Variants in MUC5AC observed in about 807,000 individuals in gnomAD.
The protein encoded by MUC5AC is mucin 5AC, oligomeric mucus/gel-forming, also known as mucin-5AC.
In MUC5AC, 158 loss-of-function variants were observed where a neutral mutation model predicts 169.7. The ratio of observed to expected loss-of-function variants is 0.93; its 90% CI spans 0.82 to 1.06. The LOEUF (loss-of-function observed/expected upper bound fraction) is 1.06, where lower values mean the gene tolerates loss of function less well. Among genes scored for constraint, MUC5AC ranks in the 50% least tolerant of loss-of-function variants. MUC5AC has a pLI of 0.00. For synonymous variants in MUC5AC, 1,975 were observed against 1,237.0 expected, an observed-to-expected ratio of 1.60 and a Z score of -12.52; for missense variants, 4,359 against 3,089.9, an observed-to-expected ratio of 1.41 and a Z score of -9.74.
chr11:1,191,131 C>A lies in MUC5AC; in HGVS notation c.12986C>A (p.Thr4329Lys), dbSNP rs1861085060. 6 of 699,624 alleles carry A rather than the reference C, an allele frequency of 8.6e-6. No individual in the cohort carries two copies. The Admixed American group carries it at 1.1e-4, about 12-fold the overall frequency. The allele number at this position is 699,624 out of a possible 1,614,324, so 43.3% of individuals were successfully genotyped here. Reference sequence around the variant, plus strand: ...CCCAGCCCTGTTCCCACCACCAGCACAACCTCTGCTCCTATAACCAGCACA... The same window carrying A: ...CCCAGCCCTGTTCCCACCACCAGCAAAACCTCTGCTCCTATAACCAGCACA... ...TTPSPVPTTS[T>K]TSAPITSTTS... The change falls in exon 31 of 49, where the codon ACA becomes AAA. Residue 4329 changes from threonine to lysine, a missense_variant. By Grantham distance (78) the Thr-to-Lys change is moderately conservative. Coordinates refer to ENST00000621226, the MANE Select transcript of MUC5AC (RefSeq NM_001304359.2).
chr11:1,190,598 C>A lies in MUC5AC; in HGVS notation c.12453C>A (p.Thr4151=). The change falls in exon 31 of 49, where the codon ACC becomes ACA. Residue 4151 remains threonine, a synonymous_variant. Coordinates refer to ENST00000621226, the MANE Select transcript of MUC5AC (RefSeq NM_001304359.2). ...PTHRTTSGPT[T]STTLAPTTST... is the part of the protein sequence containing the mutation. ...ACAGAACGACTTCTGGTCCTACAAC[C>A]AGCACAACCTTGGCTCCTACAACCA... is the stretch of plus-strand genomic sequence containing the variant. 2 of 694,182 alleles carry A rather than the reference C, an allele frequency of 2.9e-6. No individual in the cohort carries two copies. Among genetic ancestry groups the A allele is most frequent in the South Asian group, 1.5e-5 (1 of 65,686 alleles). 43.0% of individuals were successfully genotyped at this position (694,182 alleles called of 1,614,324 possible).
rs1380223675 is a variant in MUC5AC at position 1,199,465 on chromosome 11, C to T, written c.16490C>T (p.Ala5497Val). ...CTCGTGGTGGTCACCACGAAGAAGG[C>T]GTGCCCCCCGCTCAGCTGTTCTCTG... Reference protein sequence around the residue: ...DGLVVVTTKKACPPLSCSLDE... With the variant: ...DGLVVVTTKKVCPPLSCSLDE... The change falls in exon 46 of 49, where the codon GCG becomes GTG. Residue 5497 changes from alanine to valine, a missense_variant. Physicochemically the swap from Ala to Val is moderately conservative, Grantham distance 64. Coordinates refer to ENST00000621226, the MANE Select transcript of MUC5AC (RefSeq NM_001304359.2). 9.7e-6 allele frequency: 7 copies of T among 721,234 alleles called. No homozygotes were observed. Among genetic ancestry groups the T allele is most frequent in the Non-Finnish European group, 1.5e-5 (6 of 395,378 alleles). The allele number at this position is 721,234 out of a possible 1,614,324, so 44.7% of individuals were successfully genotyped here.
At chr11:1,170,441 CCACT>C (rs1220803029) in intron 15 of MUC5AC, among the ~76,000 whole-genome samples, 3 of 114,266 alleles carry the variant, frequency 2.6e-5, no homozygotes, top group African/African-American at 6.6e-5. Context: ...ACCCATTCAC[CCACT>C]CACTCACCCA....
chr11:1,163,283 T>C (rs1226517200), intron 6 of MUC5AC, among the ~76,000 whole-genome samples: 2 of 152,204 alleles, frequency 1.3e-5, no homozygotes, highest in African/African-American at 2.4e-5. Flanking sequence ...GTGGCTGCTC[T>C]GGGTGGCGAC....
chr11:1,192,511 G>A lies in MUC5AC; in HGVS notation c.14366G>A (p.Arg4789Gln), dbSNP rs751026937. The A allele has an allele frequency of 1.0e-4, 78 of 764,744 alleles. No homozygotes were observed. Among genetic ancestry groups the A allele is most frequent in the Non-Finnish European group, 1.6e-4 (68 of 417,712 alleles). 47.4% of individuals were successfully genotyped at this position (764,744 alleles called of 1,614,324 possible). The change falls in exon 31 of 49, where the codon CGG becomes CAG. Residue 4789 changes from arginine (R) to glutamine (Q), a missense_variant. Coordinates refer to ENST00000621226, the MANE Select transcript of MUC5AC (RefSeq NM_001304359.2). ...ACCTGCTTCTGCAACGTGGCTGACC[G>A]GCTCTACCCTGCAGGTTCGTGAGTG... The part of the protein sequence containing the change: ...TQTCFCNVAD[R>Q]LYPAGSTIYR...
intron 15 of MUC5AC, among the ~76,000 whole-genome samples, chr11:1,171,546 T>TACTCAACCACCCACTCACCC (rs1860537532): frequency 5.0e-5 from 1 of 19,882 alleles, no homozygotes; most frequent in Non-Finnish European, 1.0e-4. Context: ...CTCACTCACC[T>TACTCAACCACCCACTCACCC]ACTCAACCAC....
rs1409026378 is a variant in MUC5AC at position 1,178,670 on chromosome 11, C to A, written c.3314C>A (p.Ala1105Asp). Reference protein sequence around the residue: ...CSILHGPTFAACHAHVEPARY... With the variant: ...CSILHGPTFADCHAHVEPARY... The stretch of plus-strand genomic sequence containing the variant: ...ATCCTCCACGGCCCCACCTTCGCCG[C>A]CTGCCACGCACACGTATGCTGGCCG... Residue 1105 changes from alanine (A) to aspartate (D), a missense_variant, in exon 25 of 49, where the codon GCC becomes GAC. Ala to Asp is a moderately radical substitution (Grantham distance 126). Transcript: ENST00000621226. The A allele has an allele frequency of 2.3e-6, 3 of 1,316,880 alleles. No individual in the cohort carries two copies. The South Asian group carries it at 7.7e-5, about 34-fold the overall frequency. 81.6% of individuals were successfully genotyped at this position (1,316,880 alleles called of 1,614,324 possible).
chr11:1,171,381 ACT>A (rs1860525724), intron 15 of MUC5AC, among the ~76,000 whole-genome samples: 1 of 127,332 alleles, frequency 7.9e-6, no homozygotes, highest in Non-Finnish European at 1.6e-5. Flanking sequence ...TCACCCATTC[ACT>A]CACCCATTCA....
Position 1,187,630 on chromosome 11 carries a change from C to A in MUC5AC, c.9485C>A (p.Thr3162Asn). The A allele has an allele frequency of 1.3e-6, 1 of 764,482 alleles. No homozygotes were observed. Among genetic ancestry groups the A allele is most frequent in the Non-Finnish European group, 2.4e-6 (1 of 417,490 alleles). The allele number at this position is 764,482 out of a possible 1,614,324, so 47.4% of individuals were successfully genotyped here. ...PGTTPSPVPTTSTIFAPRTST... is the reference protein window; with the variant it reads ...PGTTPSPVPTNSTIFAPRTST... ...ACCACTCCCAGCCCTGTTCCCACCA[C>A]CAGCACAATCTTTGCTCCTAGAACC... is the stretch of plus-strand genomic sequence containing the variant. The change falls in exon 31 of 49, where the codon ACC (threonine) becomes AAC (asparagine). Residue 3162 changes from threonine (T) to asparagine (N), a missense_variant. Transcript: ENST00000621226.
Position 1,192,860 on chromosome 11 carries a change from A to C in MUC5AC, c.14458A>C (p.Arg4820=). 1 of 764,738 alleles carries C rather than the reference A, an allele frequency of 1.3e-6. No homozygotes were observed. The highest frequency in any genetic ancestry group is 2.4e-6 in the Non-Finnish European group (1 of 417,762). The allele number at this position is 764,738 out of a possible 1,614,324, so 47.4% of individuals were successfully genotyped here. A position where few individuals can be genotyped will look rare whatever the true frequency, so the allele number is the denominator to read the frequency against. ...ALCSQDCQVV[R]GVDSDCPSTT... is the part of the protein sequence containing the mutation. The stretch of plus-strand genomic sequence containing the variant: ...GTGTAGCCAGGACTGCCAAGTGGTC[A>C]GAGGGGTTGACAGTGACTGTCCGTC... The change falls in exon 32 of 49, where the codon AGA becomes CGA. Residue 4820 remains arginine (R), a synonymous_variant. Transcript: ENST00000621226.
At chr11:1,170,728 T>C (rs1229053329) in intron 15 of MUC5AC, among the ~76,000 whole-genome samples, 10 of 34,470 alleles carry the variant, frequency 2.9e-4, no homozygotes, top group East Asian at 8.6e-4. Flanking sequence ...GACTCAACCA[T>C]TCACTCACCC....
In MUC5AC at chr11:1,182,342, A is replaced by T; in HGVS notation, c.4197A>T (p.Gly1399=). 1 of 398,520 alleles carries T rather than the reference A, an allele frequency of 2.5e-6. No homozygotes were observed. The highest frequency in any genetic ancestry group is 4.4e-6 in the Non-Finnish European group (1 of 225,996). The allele number at this position is 398,520 out of a possible 1,614,324, so 24.7% of individuals were successfully genotyped here. Residue 1399 remains glycine (G), a synonymous_variant, in exon 31 of 49, where the codon GGA becomes GGT. Transcript: ENST00000621226. The part of the protein sequence containing the change: ...WSPWMDVSRP[G]RGTDSGDFDT... ...CATGGATGGATGTCAGCCGCCCTGGACGGGGCACGGACAGCGGTGACTTCG... is the reference window on the plus strand; with the variant it reads ...CATGGATGGATGTCAGCCGCCCTGGTCGGGGCACGGACAGCGGTGACTTCG...
At position 1,160,647 on chromosome 11, in the gene MUC5AC, A is replaced by T. The variant is rs1860113548; in HGVS notation, c.109A>T (p.Lys37Ter). The change falls in exon 2 of 49, where the codon AAG (lysine) becomes TAG (stop). Residue 37 changes from lysine to a stop codon, truncating the protein, a stop_gained. Transcript: ENST00000621226. LOFTEE classifies it high-confidence loss of function. ...GGATGGCTCCTCCGAATCCAGCTAC[A>T]AGCACCACCCTGCCCTCTCTCCTAT... ...AQDGSSESSY[K>*]HHPALSPIAR... is the part of the protein sequence containing the mutation. 1 of 1,610,566 alleles carries T rather than the reference A, an allele frequency of 6.2e-7. No homozygotes were observed. The highest frequency in any genetic ancestry group is 8.5e-7 in the Non-Finnish European group (1 of 1,179,582).
At position 1,160,701 on chromosome 11, in the gene MUC5AC, T is replaced by A; in HGVS notation, c.151+12T>A. Reference sequence around the variant, plus strand: ...CCGGGGGCCCAGCGGTGAGTCTGAGTGTCCGGCCCCCACCCTAAGCCTGTC... The same window carrying A: ...CCGGGGGCCCAGCGGTGAGTCTGAGAGTCCGGCCCCCACCCTAAGCCTGTC... On this transcript the variant is annotated intron_variant, in intron 2 of 48. Transcript: ENST00000621226. 6.2e-7 allele frequency: 1 copy of A among 1,605,644 alleles called. No individual in the cohort carries two copies. Among genetic ancestry groups the A allele is most frequent in the Non-Finnish European group, 8.5e-7 (1 of 1,177,582 alleles).
rs1344904628 is a variant in MUC5AC, at chr11:1,194,608, G to A, written c.15128G>A (p.Gly5043Asp). Reference protein sequence around the residue: ...PELGVQVMFSGLIFSVEVPFS... With the variant: ...PELGVQVMFSDLIFSVEVPFS... ...CTGGGAGTCCAGGTCATGTTCTCCG[G>A]CCTCATCTTCTCCGTGGAGGTGCCC... The change falls in exon 35 of 49, where the codon GGC becomes GAC. Residue 5043 changes from glycine (G) to aspartate (D), a missense_variant. Coordinates refer to ENST00000621226, the MANE Select transcript of MUC5AC (RefSeq NM_001304359.2). 2 of 764,636 alleles carry A rather than the reference G, an allele frequency of 2.6e-6. No individual in the cohort carries two copies. Among genetic ancestry groups the A allele is most frequent in the South Asian group, 1.3e-5 (1 of 74,584 alleles). The allele number at this position is 764,636 out of a possible 1,614,324, so 47.4% of individuals were successfully genotyped here. A position where few individuals can be genotyped will look rare whatever the true frequency, so the allele number is the denominator to read the frequency against.
rs1861234172 is a variant in MUC5AC at position 1,195,133 on chromosome 11, G to A, written c.15312G>A (p.Arg5104=). 4 of 762,288 alleles carry A rather than the reference G, an allele frequency of 5.2e-6. No homozygotes were observed. In the Admixed American group the frequency reaches 6.8e-5, roughly 13 times the overall value. 47.2% of individuals were successfully genotyped at this position (762,288 alleles called of 1,614,324 possible). A position where few individuals can be genotyped will look rare whatever the true frequency, so the allele number is the denominator to read the frequency against. ...TACCCGACCAGCCAGCCTGCCACCG[G>A]CCTCACCCGACGCCCACCACGGTCG... ...VSIPDQPACH[R]PHPTPTTVGP... The change falls in exon 36 of 49, where the codon CGG becomes CGA. Residue 5104 remains arginine (R), a synonymous_variant. Coordinates refer to ENST00000621226, the MANE Select transcript of MUC5AC (RefSeq NM_001304359.2).
intron 15 of MUC5AC, among the ~76,000 whole-genome samples, chr11:1,170,740 T>C (rs1404111223): frequency 2.5e-4 from 13 of 52,906 alleles, no homozygotes; most frequent in South Asian, 1.4e-3. Flanking sequence ...CACTCACCCA[T>C]TCACCCATTC....
In MUC5AC at chr11:1,187,575, T is replaced by A; in HGVS notation, c.9430T>A (p.Ser3144Thr). 1 of 756,160 alleles carries A rather than the reference T, an allele frequency of 1.3e-6. No individual in the cohort carries two copies. The highest frequency in any genetic ancestry group is 2.4e-6 in the Non-Finnish European group (1 of 413,754). 46.8% of individuals were successfully genotyped at this position (756,160 alleles called of 1,614,324 possible). ...TCCTACAACCAGCACAACTTCTGCC[T>A]CTACAGCCAGCAAAACCTCTGGTCC... ...SPPTTSTTSA[S>T]TASKTSGPGT... is the part of the protein sequence containing the mutation. The change falls in exon 31 of 49, where the codon TCT (serine) becomes ACT (threonine). Residue 3144 changes from serine to threonine, a missense_variant. Coordinates refer to ENST00000621226, the MANE Select transcript of MUC5AC (RefSeq NM_001304359.2).
chr11:1,169,739 A>G (rs1860442454), intron 15 of MUC5AC, among the ~76,000 whole-genome samples: 1 of 132,352 alleles, frequency 7.6e-6, no homozygotes, highest in African/African-American at 3.0e-5. Context: ...TCACTCACCC[A>G]TTCGCTCACT....
Sources: allele counts gnomAD v4.1 joint callset (sites outside exome capture counted in the v4.1 genomes callset), GRCh38; gene constraint gnomAD v4.1.1; transcripts MANE v1.5; gene names NCBI Gene and HGNC (gene_info 2026-07-23, HGNC 2026-07-21).